Variants in NDUFA2 observed in about 807,000 individuals in gnomAD.
The protein encoded by NDUFA2 is NADH dehydrogenase [ubiquinone] 1 alpha subcomplex subunit 2.
A neutral mutation model predicts 11.4 loss-of-function variants in NDUFA2; 9 were observed. The ratio of observed to expected loss-of-function variants is 0.79; its 90% CI spans 0.48 to 1.38. NDUFA2 has a LOEUF of 1.38. Ranked by LOEUF, NDUFA2 falls within the 40% of genes most tolerant of loss-of-function variation. The pLI, the probability that NDUFA2 is intolerant of heterozygous loss-of-function variation, is 0.00. For synonymous variants in NDUFA2, 49 were observed against 54.0 expected (o/e 0.91, Z 0.41); for missense variants, 150 against 131.2 (o/e 1.14, Z -0.70).
At chr5:140,645,903 T>C (rs942181257) in intron 2 of NDUFA2, among the ~76,000 whole-genome samples, 5 of 152,068 alleles carry the variant, frequency 3.3e-5, no homozygotes, top group African/African-American at 1.2e-4. Flanking sequence ...ATGGCCGCAA[T>C]GGGTTGTTTC....
chr5:140,645,865 G>A, intron 2 of NDUFA2, 187 bp from the exon 3 acceptor site: 1 of 1,108,598 alleles, frequency 9.0e-7, no homozygotes, highest in Non-Finnish European at 1.3e-6. Flanking sequence ...GGAAGCCCAA[G>A]TCCAAATAGA....
chr5:140,645,325 G>GC lies in NDUFA2; in HGVS notation c.*261dup, dbSNP rs550675609. 302 of 726,376 alleles carry GC rather than the reference G, an allele frequency of 4.2e-4. No individual in the cohort carries two copies. Among genetic ancestry groups the GC allele is most frequent in the African/African-American group, 1.3e-3 (77 of 57,198 alleles). 45.0% of individuals were successfully genotyped at this position (726,376 alleles called of 1,614,324 possible). ...CTTACTCTGGGGCCCTAGAATCCCT[G>GC]CCCCCCCGCCACCCTTCATGTTTGC... is the stretch of plus-strand genomic sequence containing the variant. On this transcript the variant is annotated 3_prime_UTR_variant, in exon 3 of 3. Coordinates refer to ENST00000252102, the MANE Select transcript of NDUFA2 (RefSeq NM_002488.5).
Position 140,647,245 on chromosome 5 carries a change from C to A in NDUFA2, c.208+11G>T, listed in dbSNP as rs375081685. 119 of 1,539,086 alleles carry A rather than the reference C, an allele frequency of 7.7e-5. No homozygotes were observed. The highest frequency in any genetic ancestry group is 5.0e-4 in the South Asian group (39 of 78,278). ...TACCGGAGCCCCAGACCCCTGGCGT[C>A]CCGCACTCACCGTAGCGGGCCCAGA... On this transcript the variant is annotated intron_variant, in intron 2 of 2. Transcript: ENST00000252102.
Position 140,647,373 on chromosome 5 carries a change from G to A in NDUFA2, c.102-11C>T. 1 of 1,611,096 alleles carries A rather than the reference G, an allele frequency of 6.2e-7. No individual in the cohort carries two copies. The highest frequency in any genetic ancestry group is 1.1e-5 in the South Asian group (1 of 90,928). On this transcript the variant is annotated splice_polypyrimidine_tract_variant and intron_variant, in intron 1 of 2. Coordinates refer to ENST00000252102, the MANE Select transcript of NDUFA2 (RefSeq NM_002488.5). ...TTCTCAATGAAGTCCCTGCGGGGCC[G>A]GAGAGAGCGCCGCGCGTGCTGTGGG...
Position 140,647,610 on chromosome 5 carries a change from C to G in NDUFA2, c.-27G>C. ...CTTGTTAATATCGAAGTCGCCAATT[C>G]CAGGTCTTCAGGCCAAGTGCTCCGG... is the stretch of plus-strand genomic sequence containing the variant. On this transcript the variant is annotated 5_prime_UTR_variant, in exon 1 of 3. Transcript: ENST00000252102. 6.2e-7 allele frequency: 1 copy of G among 1,604,808 alleles called. No individual in the cohort carries two copies. Among genetic ancestry groups the G allele is most frequent in the Non-Finnish European group, 8.5e-7 (1 of 1,178,550 alleles).
chr5:140,646,737 T>C (rs1039387185), intron 2 of NDUFA2, among the ~76,000 whole-genome samples: 3 of 152,228 alleles, frequency 2.0e-5, no homozygotes, highest in Admixed American at 6.5e-5. Flanking sequence ...TGTTAAACTC[T>C]AGCTGCATCT....
chr5:140,646,451 A>C (rs1035589641), intron 2 of NDUFA2, among the ~76,000 whole-genome samples: 5 of 152,110 alleles, frequency 3.3e-5, no homozygotes, highest in African/African-American at 1.2e-4. Flanking sequence ...TTATTAGTGC[A>C]TGTCTAATGT....
At chr5:140,645,754 C>T in intron 2 of NDUFA2, 76 bp from the exon 3 acceptor site, 1 of 1,604,626 alleles carries the variant, frequency 6.2e-7, no homozygotes. Flanking sequence ...AGATCTTTGT[C>T]TTTATCTTAG....
In NDUFA2 at chr5:140,645,489, GC is replaced by G. The variant is rs766619434; in HGVS notation, c.*97del. 3.4e-6 allele frequency: 5 copies of G among 1,477,926 alleles called. No individual in the cohort carries two copies. In the South Asian group the frequency reaches 4.6e-5, roughly 14 times the overall value. The allele number at this position is 1,477,926 out of a possible 1,614,324, so 91.6% of individuals were successfully genotyped here. On this transcript the variant is annotated 3_prime_UTR_variant, in exon 3 of 3. Coordinates refer to ENST00000252102, the MANE Select transcript of NDUFA2 (RefSeq NM_002488.5). ...CCTGAGAAAGTATTTTACAGCACAAGCTTTATGAGGAATAGGAGAACACATT... is the reference window on the plus strand; with the variant it reads ...CCTGAGAAAGTATTTTACAGCACAAGTTTATGAGGAATAGGAGAACACATT...
In NDUFA2 at chr5:140,647,324, G is replaced by T; in HGVS notation, c.140C>A (p.Ala47Glu). 2.5e-6 allele frequency: 4 copies of T among 1,600,986 alleles called. No individual in the cohort carries two copies. Among genetic ancestry groups the T allele is most frequent in the Non-Finnish European group, 3.4e-6 (4 of 1,171,722 alleles). Reference protein sequence around the residue: ...IEKRYVELKKANPDLPILIRE... With the variant: ...IEKRYVELKKENPDLPILIRE... ...GATTAGGATGGGTAGGTCGGGATTC[G>T]CCTTCTTCAGCTCCACGTAGCGTTT... is the stretch of plus-strand genomic sequence containing the variant. Residue 47 changes from alanine to glutamate, a missense_variant, in exon 2 of 3, where the codon GCG (alanine) becomes GAG (glutamate). Physicochemically the swap from Ala to Glu is moderately radical, Grantham distance 107. Transcript: ENST00000252102.
At chr5:140,647,383 C>A (rs1157625989) in intron 1 of NDUFA2, 21 bp from the exon 2 acceptor site, 18 of 1,611,102 alleles carry the variant, frequency 1.1e-5, no homozygotes, top group Non-Finnish European at 1.4e-5. Flanking sequence ...GGAGAGAGCG[C>A]CGCGCGTGCT....
At position 140,645,583 on chromosome 5, in the gene NDUFA2, G is replaced by A; in HGVS notation, c.*4C>T. On this transcript the variant is annotated 3_prime_UTR_variant, in exon 3 of 3. Transcript: ENST00000252102. ...GCTGTTGCTCTTAATCCTCAGTGGA[G>A]GCTTCAGGCTTTACCACTTAGAACG... 3.1e-6 allele frequency: 5 copies of A among 1,614,092 alleles called. No individual in the cohort carries two copies. The highest frequency in any genetic ancestry group is 1.7e-5 in the Admixed American group (1 of 60,014).
Position 140,645,399 on chromosome 5 carries a change from T to C in NDUFA2, c.*188A>G, listed in dbSNP as rs1757337889. On this transcript the variant is annotated 3_prime_UTR_variant, in exon 3 of 3. Coordinates refer to ENST00000252102, the MANE Select transcript of NDUFA2 (RefSeq NM_002488.5). ...GAGACAGAATAAAGTTTTATTTTTA[T>C]ATTAAGCTACTTTGCCTCAGTGGTT... 3 of 822,510 alleles carry C rather than the reference T, an allele frequency of 3.6e-6. No individual in the cohort carries two copies. The highest frequency in any genetic ancestry group is 6.0e-6 in the Non-Finnish European group (3 of 496,526). 51.0% of individuals were successfully genotyped at this position (822,510 alleles called of 1,614,324 possible). A position where few individuals can be genotyped will look rare whatever the true frequency, so the allele number is the denominator to read the frequency against.
At position 140,647,513 on chromosome 5, in the gene NDUFA2, C is replaced by T; in HGVS notation, c.71G>A (p.Cys24Tyr). ...GCCCTGGCTGCCGGGCGAGCGCTGA[C>T]ATAAGTGGATGCGAATCTCACGCAG... is the stretch of plus-strand genomic sequence containing the variant. Reference protein sequence around the residue: ...LGLREIRIHLCQRSPGSQGVR... With the variant: ...LGLREIRIHLYQRSPGSQGVR... The change falls in exon 1 of 3, where the codon TGT becomes TAT. Residue 24 changes from cysteine to tyrosine, a missense_variant. Coordinates refer to ENST00000252102, the MANE Select transcript of NDUFA2 (RefSeq NM_002488.5). 1.9e-6 allele frequency: 3 copies of T among 1,612,730 alleles called. No individual in the cohort carries two copies. Among genetic ancestry groups the T allele is most frequent in the Non-Finnish European group, 2.5e-6 (3 of 1,180,026 alleles).
At position 140,645,387 on chromosome 5, in the gene NDUFA2, G is replaced by A; in HGVS notation, c.*200C>T. On this transcript the variant is annotated 3_prime_UTR_variant, in exon 3 of 3. Coordinates refer to ENST00000252102, the MANE Select transcript of NDUFA2 (RefSeq NM_002488.5). ...GTAGCTTTTGATGAGACAGAATAAAGTTTTATTTTTATATTAAGCTACTTT... is the reference window on the plus strand; with the variant it reads ...GTAGCTTTTGATGAGACAGAATAAAATTTTATTTTTATATTAAGCTACTTT... 1 of 811,126 alleles carries A rather than the reference G, an allele frequency of 1.2e-6. No homozygotes were observed. The highest frequency in any genetic ancestry group is 2.1e-6 in the Non-Finnish European group (1 of 486,964). 50.2% of individuals were successfully genotyped at this position (811,126 alleles called of 1,614,324 possible).
intron 2 of NDUFA2, 31 bp from the exon 3 acceptor site, chr5:140,645,709 A>G (rs371241398): frequency 4.3e-6 from 7 of 1,614,036 alleles, no homozygotes; most frequent in Non-Finnish European, 5.9e-6. Flanking sequence ...GTCTTTAACT[A>G]TTCTGCACCC....
intron 2 of NDUFA2, among the ~76,000 whole-genome samples, chr5:140,646,098 C>T (rs1757382542): frequency 6.6e-6 from 1 of 151,742 alleles, no homozygotes; most frequent in African/African-American, 2.4e-5. Context: ...GCAACCTCCA[C>T]CTCCTGGGTT....
intron 2 of NDUFA2, among the ~76,000 whole-genome samples, chr5:140,646,086 C>T (rs191859403): frequency 6.6e-6 from 1 of 150,598 alleles, no homozygotes; most frequent in Admixed American, 6.6e-5. Context: ...TCTCCACTCA[C>T]TGCAACCTCC....
intron 2 of NDUFA2, chr5:140,646,998 C>A: frequency 4.6e-6 from 2 of 433,780 alleles, no homozygotes; most frequent in East Asian, 4.0e-5. Context: ...CTGTCTGAAG[C>A]CCATTCTTAA....
Sources: gnomAD v4.1 joint callset for allele counts (sites outside exome capture counted in the v4.1 genomes callset) on GRCh38, gnomAD v4.1.1 for gene constraint, MANE v1.5 for transcripts, NCBI Gene and HGNC (gene_info 2026-07-23, HGNC 2026-07-21) for gene names.